GALNTL6: variants seen among roughly 807,000 people sequenced by gnomAD.
GALNTL6 encodes the protein polypeptide N-acetylgalactosaminyltransferase like 6, also known as polypeptide N-acetylgalactosaminyltransferase-like 6.
Under a neutral mutation model 73.7 loss-of-function variants are expected in GALNTL6, and 46 were observed. The ratio of observed to expected loss-of-function variants is 0.62; its 90% CI spans 0.49 to 0.80. The LOEUF (loss-of-function observed/expected upper bound fraction) is 0.80. Among genes scored for constraint, GALNTL6 ranks in the 30% least tolerant of loss-of-function variants. The pLI, the probability that GALNTL6 is intolerant of heterozygous loss-of-function variation, is 0.00. For synonymous variants in GALNTL6, 259 were observed against 263.7 expected (o/e 0.98, Z 0.17); for missense variants, 604 against 755.0 (o/e 0.80, Z 2.34).
intron 2 of GALNTL6, among the ~76,000 whole-genome samples, chr4:172,026,680 T>C (rs1741595199): frequency 6.6e-6 from 1 of 152,260 alleles, no homozygotes; most frequent in East Asian, 1.9e-4. Flanking sequence ...TCTATGGTTT[T>C]GTATATATAC....
Position 172,762,776 on chromosome 4 carries a change from A to G in GALNTL6, c.554-46585A>G, listed in dbSNP as rs1657926241. On this transcript the variant is annotated intron_variant, in intron 5 of 12. Transcript: ENST00000506823. ...ACTCTTCAAATTATCCAAACAGCAG[A>G]TTCACTCAAAAAAAAAAAAAAAAAA... Among the ~76,000 whole-genome samples the G allele has an allele frequency of 4.4e-5, 2 of 45,340 alleles. 1 individual carries two copies. Among genetic ancestry groups the G allele is most frequent in the South Asian group, 2.2e-3 (2 of 918 alleles). 29.7% of individuals were successfully genotyped at this position (45,340 alleles called of 152,430 possible). A position where few individuals can be genotyped will look rare whatever the true frequency, so the allele number is the denominator to read the frequency against.
At chr4:172,374,620 A>T (rs1044347927) in intron 5 of GALNTL6, among the ~76,000 whole-genome samples, 2 of 152,104 alleles carry the variant, frequency 1.3e-5, no homozygotes, top group Non-Finnish European at 2.9e-5. Context: ...AGGTCAACAG[A>T]TGTTTATGAC....
At chr4:171,915,140 G>T (rs530658029) in intron 2 of GALNTL6, among the ~76,000 whole-genome samples, 2 of 152,066 alleles carry the variant, frequency 1.3e-5, no homozygotes, top group Non-Finnish European at 2.9e-5. Flanking sequence ...CTATAAAAAT[G>T]TATGTTCATA....
chr4:172,686,401 G>T lies in GALNTL6; in HGVS notation c.554-122960G>T, dbSNP rs987710675. 2.6e-5 allele frequency among the ~76,000 whole-genome samples: 4 copies of T among 152,218 alleles called. No homozygotes were observed. In the Middle Eastern group the frequency reaches 0.014, roughly 518 times the overall value. On this transcript the variant is annotated intron_variant, in intron 5 of 12. Coordinates refer to ENST00000506823, the MANE Select transcript of GALNTL6 (RefSeq NM_001034845.3). ...CATACAGTAAAACATGAGAAGCCTGGCTCTGGTGTTCATGGAAGCTTTGTT... is the reference window on the plus strand; with the variant it reads ...CATACAGTAAAACATGAGAAGCCTGTCTCTGGTGTTCATGGAAGCTTTGTT...
chr4:172,165,247 C>T (rs892053653), intron 2 of GALNTL6, among the ~76,000 whole-genome samples: 8 of 151,984 alleles, frequency 5.3e-5, no homozygotes, highest in East Asian at 1.9e-4. Flanking sequence ...CAACCAATTA[C>T]GATATTATGA....
chr4:172,626,174 C>T (rs77337508), intron 5 of GALNTL6, among the ~76,000 whole-genome samples: 3 of 152,136 alleles, frequency 2.0e-5, no homozygotes, highest in African/African-American at 7.2e-5. Flanking sequence ...AATCTTTAAT[C>T]GATCTTGAGT....
At position 171,899,433 on chromosome 4, in the gene GALNTL6, A is replaced by C. The variant is rs537182501; in HGVS notation, c.138+84715A>C. ...TCTGAGTCTAGAAATAAAATTAGAA[A>C]ACTAATAAAAGTAGAGATGTCAGGG... is the stretch of plus-strand genomic sequence containing the variant. On this transcript the variant is annotated intron_variant, in intron 2 of 12. Coordinates refer to ENST00000506823, the MANE Select transcript of GALNTL6 (RefSeq NM_001034845.3). Among the ~76,000 whole-genome samples, 210 of 152,268 alleles carry C rather than the reference A, an allele frequency of 1.4e-3. 1 individual carries two copies. The highest frequency in any genetic ancestry group is 4.8e-3 in the African/African-American group (200 of 41,574).
At chr4:172,206,820 T>TTTTTTG (rs1736142178) in intron 2 of GALNTL6, among the ~76,000 whole-genome samples, 1 of 73,874 alleles carries the variant, frequency 1.4e-5, no homozygotes, top group Non-Finnish European at 3.0e-5. Flanking sequence ...TTTTGTTTGT[T>TTTTTTG]TTTTTTTTTT....
intron 5 of GALNTL6, among the ~76,000 whole-genome samples, chr4:172,750,560 T>G (rs911545272): frequency 6.6e-6 from 1 of 152,214 alleles, no homozygotes; most frequent in African/African-American, 2.4e-5. Flanking sequence ...AATGCTCTCA[T>G]GTCAGGATGG....
intron 2 of GALNTL6, among the ~76,000 whole-genome samples, chr4:171,905,848 A>G (rs201628988): frequency 0.24 from 36,087 of 150,436 alleles, 4,529 homozygotes; most frequent in Middle Eastern, 0.33. Context: ...CTCACTCAAA[A>G]CCGCTCAACT....
At chr4:172,626,507 C>T (rs1389233122) in intron 5 of GALNTL6, among the ~76,000 whole-genome samples, 1 of 151,778 alleles carries the variant, frequency 6.6e-6, no homozygotes, top group Non-Finnish European at 1.5e-5. Context: ...TTTTTTGGTG[C>T]CACATGAATT....
intron 10 of GALNTL6, among the ~76,000 whole-genome samples, chr4:172,997,176 A>G (rs1327622245): frequency 6.6e-6 from 1 of 152,110 alleles, no homozygotes; most frequent in African/African-American, 2.4e-5. Flanking sequence ...TTTAATTTCC[A>G]TGTGTTTCCT....
chr4:171,981,805 A>C (rs1739904633), intron 2 of GALNTL6, among the ~76,000 whole-genome samples: 1 of 151,826 alleles, frequency 6.6e-6, no homozygotes, highest in South Asian at 2.1e-4. Flanking sequence ...TTGAGTTATG[A>C]GATATGTTTA....
chr4:172,950,253 C>T (rs374583167), intron 9 of GALNTL6, among the ~76,000 whole-genome samples: 5 of 152,100 alleles, frequency 3.3e-5, no homozygotes, highest in African/African-American at 9.7e-5. Flanking sequence ...GAGTAGAAAG[C>T]GTTATGGGCC....
intron 7 of GALNTL6, among the ~76,000 whole-genome samples, chr4:172,879,588 A>T (rs1745353755): frequency 6.6e-6 from 1 of 151,928 alleles, no homozygotes; most frequent in African/African-American, 2.4e-5. Context: ...AAATAAGAAC[A>T]TGATGTATTC....
chr4:172,345,163 G>T (rs1420717578), intron 4 of GALNTL6, among the ~76,000 whole-genome samples: 1 of 147,770 alleles, frequency 6.8e-6, no homozygotes, highest in Non-Finnish European at 1.5e-5. Flanking sequence ...TAAATAACTT[G>T]CCCATTGTCA....
intron 5 of GALNTL6, among the ~76,000 whole-genome samples, chr4:172,619,982 A>C (rs959132054): frequency 6.6e-6 from 1 of 152,186 alleles, no homozygotes; most frequent in Non-Finnish European, 1.5e-5. Context: ...GTAGTTGCAA[A>C]CATGTCACAT....
At position 171,997,735 on chromosome 4, in the gene GALNTL6, A is replaced by G. The variant is rs1740535405; in HGVS notation, c.138+183017A>G. 2.0e-5 allele frequency among the ~76,000 whole-genome samples: 3 copies of G among 152,136 alleles called. No individual in the cohort carries two copies. The South Asian group carries it at 6.2e-4, about 32-fold the overall frequency. ...TAGCCCAAATAAACATCTTAAGGAA[A>G]GAACATAAAAGACTAGGGAGAGGGG... On this transcript the variant is annotated intron_variant, in intron 2 of 12. Coordinates refer to ENST00000506823, the MANE Select transcript of GALNTL6 (RefSeq NM_001034845.3).
At chr4:172,887,736 G>T (rs1473874069) in intron 8 of GALNTL6, among the ~76,000 whole-genome samples, 1 of 151,850 alleles carries the variant, frequency 6.6e-6, no homozygotes, top group Admixed American at 6.6e-5. Flanking sequence ...GCTAATTTTT[G>T]TATTTTTTGT....
Sources: allele counts gnomAD v4.1 joint callset (sites outside exome capture counted in the v4.1 genomes callset), GRCh38; gene constraint gnomAD v4.1.1; transcripts MANE v1.5; gene names NCBI Gene and HGNC (gene_info 2026-07-23, HGNC 2026-07-21).